LIN28B: variants seen among roughly 807,000 people sequenced by gnomAD.
The protein encoded by LIN28B is lin-28 RNA binding posttranscriptional regulator B, also known as protein lin-28 homolog B.
LIN28B carries 5 observed loss-of-function variants against 21.9 expected under a neutral mutation model. The observed-to-expected ratio is 0.23, with a 90% CI of 0.12 to 0.48. LIN28B has a LOEUF of 0.48. Among genes scored for constraint, LIN28B ranks in the 20% least tolerant of loss-of-function variants. The pLI is 0.98. For missense variants in LIN28B, 245 were observed against 310.5 expected, an observed-to-expected ratio of 0.79 and a Z score of 1.58; for synonymous variants, 109 against 111.3, an observed-to-expected ratio of 0.98 and a Z score of 0.13.
At chr6:105,067,965 A>C (rs1772251091) in intron 3 of LIN28B, among the ~76,000 whole-genome samples, 1 of 152,098 alleles carries the variant, frequency 6.6e-6, no homozygotes, top group Non-Finnish European at 1.5e-5. Context: ...AGTGATCTGC[A>C]CCACCATTCA....
At chr6:104,955,702 C>CG (rs1778276495), upstream of LIN28B, among the ~76,000 whole-genome samples, 3 of 147,022 alleles carry the variant, frequency 2.0e-5, no homozygotes, top group South Asian at 6.4e-4. Flanking sequence ...AGGGTCAACT[C>CG]GGTAGCTTTG....
chr6:104,966,676 C>T (rs1036106157), intron 2 of LIN28B, among the ~76,000 whole-genome samples: 25 of 145,758 alleles, frequency 1.7e-4, no homozygotes, highest in South Asian at 4.4e-4. Context: ...GGCTGGAGTG[C>T]AGTGGTGCTG....
intron 2 of LIN28B, among the ~76,000 whole-genome samples, chr6:104,986,286 A>G (rs1582879482): frequency 6.6e-6 from 1 of 152,152 alleles, no homozygotes; most frequent in East Asian, 1.9e-4. Flanking sequence ...TCTTTTCTGT[A>G]TAAATTACCT....
chr6:104,949,808 G>A (rs1396367445), intron 2 of LIN28B, among the ~76,000 whole-genome samples: 1 of 151,986 alleles, frequency 6.6e-6, no homozygotes, highest in Admixed American at 6.6e-5. Flanking sequence ...ATCTGCCAAT[G>A]GATGTATTAG....
intron 2 of LIN28B, among the ~76,000 whole-genome samples, chr6:104,984,336 CATT>C (rs750158207): frequency 2.0e-5 from 3 of 152,152 alleles, no homozygotes; most frequent in African/African-American, 7.2e-5. Flanking sequence ...ATACAGTAGT[CATT>C]ATAAATTCTG....
intron 3 of LIN28B, among the ~76,000 whole-genome samples, chr6:105,039,188 A>C (rs1254392409): frequency 2.6e-5 from 4 of 152,198 alleles, no homozygotes; most frequent in African/African-American, 9.7e-5. Flanking sequence ...TTGTTTCATA[A>C]ACTTTTGAGT....
intron 2 of LIN28B, among the ~76,000 whole-genome samples, chr6:105,010,837 A>C (rs1261361231): frequency 6.6e-6 from 1 of 152,220 alleles, no homozygotes; most frequent in Non-Finnish European, 1.5e-5. Flanking sequence ...TCATTCCAGA[A>C]AGATCCTTCA....
At chr6:105,065,819 A>G (rs978617477) in intron 3 of LIN28B, among the ~76,000 whole-genome samples, 3 of 152,204 alleles carry the variant, frequency 2.0e-5, no homozygotes, top group Non-Finnish European at 2.9e-5. Context: ...TCATATAAAC[A>G]TTGTCAAAAT....
intron 2 of LIN28B, among the ~76,000 whole-genome samples, chr6:104,970,042 T>G (rs2114588295): frequency 6.6e-6 from 1 of 152,304 alleles, no homozygotes; most frequent in African/African-American, 2.4e-5. Context: ...AGTATCTGTG[T>G]GCCAGTGGGG....
At chr6:104,998,127 G>A (rs1161788074) in intron 2 of LIN28B, among the ~76,000 whole-genome samples, 1 of 152,034 alleles carries the variant, frequency 6.6e-6, no homozygotes, top group Admixed American at 6.5e-5. Flanking sequence ...TACAATAACA[G>A]AATATTAAAA....
chr6:105,056,085 T>C (rs1027510749), intron 3 of LIN28B, among the ~76,000 whole-genome samples: 3 of 152,026 alleles, frequency 2.0e-5, no homozygotes, highest in Non-Finnish European at 4.4e-5. Flanking sequence ...TTTCTACCAC[T>C]ATTCCTCATT....
intron 2 of LIN28B, among the ~76,000 whole-genome samples, chr6:104,964,314 C>A (rs772745603): frequency 2.0e-5 from 3 of 152,152 alleles, no homozygotes; most frequent in Non-Finnish European, 2.9e-5. Flanking sequence ...AGGCATGCAC[C>A]ACTGTGTCCA....
At chr6:105,047,681 T>C (rs1432254448) in intron 3 of LIN28B, among the ~76,000 whole-genome samples, 6 of 152,218 alleles carry the variant, frequency 3.9e-5, no homozygotes, top group Non-Finnish European at 8.8e-5. Flanking sequence ...GTTTGTGTCC[T>C]CTTTTATTTC....
chr6:105,050,194 C>G lies in LIN28B; in HGVS notation c.383+23712C>G, dbSNP rs536497822. ...CTTCAGGAGCTCTTTCAGGGCAGGC[C>G]TGGTGGTGACAAAATCTCTCAGCAT... On this transcript the variant is annotated intron_variant, in intron 3 of 3. Coordinates refer to ENST00000345080, the MANE Select transcript of LIN28B (RefSeq NM_001004317.4). 3.6e-3 allele frequency among the ~76,000 whole-genome samples: 551 copies of G among 152,220 alleles called. 3 individuals are homozygous for G. Among genetic ancestry groups the G allele is most frequent in the South Asian group, 0.014 (69 of 4,810 alleles).
intron 2 of LIN28B, among the ~76,000 whole-genome samples, chr6:104,947,176 G>A (rs1778165954): frequency 6.6e-6 from 1 of 152,174 alleles, no homozygotes; most frequent in Non-Finnish European, 1.5e-5. Context: ...CCAGGCTGGA[G>A]TGGAGTGGCG....
intron 2 of LIN28B, among the ~76,000 whole-genome samples, chr6:104,994,334 C>G (rs566053884): frequency 1.3e-5 from 2 of 152,210 alleles, no homozygotes; most frequent in Non-Finnish European, 2.9e-5. Context: ...TTTAACGATA[C>G]TTTTAAGTGA....
chr6:104,972,550 A>G (rs953212047), intron 2 of LIN28B, among the ~76,000 whole-genome samples: 1 of 152,176 alleles, frequency 6.6e-6, no homozygotes, highest in Non-Finnish European at 1.5e-5. Context: ...CAAAAATACA[A>G]GGTTAGTTTG....
At chr6:105,061,456 T>G (rs180851362) in intron 3 of LIN28B, among the ~76,000 whole-genome samples, 2 of 152,222 alleles carry the variant, frequency 1.3e-5, no homozygotes, top group East Asian at 3.9e-4. Context: ...TTTAGCATTC[T>G]TGTAAAGAGA....
chr6:104,951,990 C>A (rs575617979), intron 3 of LIN28B, among the ~76,000 whole-genome samples: 3 of 152,294 alleles, frequency 2.0e-5, no homozygotes, highest in African/African-American at 7.2e-5. Context: ...CTTGTCTCAT[C>A]TTTTACCCTG....
Sources: gnomAD v4.1 joint callset for allele counts (sites outside exome capture counted in the v4.1 genomes callset) on GRCh38, gnomAD v4.1.1 for gene constraint, MANE v1.5 for transcripts, NCBI Gene and HGNC (gene_info 2026-07-23, HGNC 2026-07-21) for gene names.